RAB3GAP2: variants seen among roughly 807,000 people sequenced by gnomAD.
RAB3GAP2 encodes rab3 GTPase-activating protein non-catalytic subunit.
In RAB3GAP2, 87 loss-of-function variants were observed where a neutral mutation model predicts 185.3. The ratio of observed to expected loss-of-function variants is 0.47; its 90% CI spans 0.39 to 0.56. The LOEUF is 0.56. Ranked by LOEUF, RAB3GAP2 falls within the 20% of genes least tolerant of loss-of-function variation. The probability of loss-of-function intolerance (pLI) is 0.00; values close to 1 mark genes in which losing one functional copy is unlikely to be tolerated. For missense variants in RAB3GAP2, 1,492 were observed against 1,638.2 expected (o/e 0.91, Z 1.54); for synonymous variants, 554 against 576.1 (o/e 0.96, Z 0.55).
intron 9 of RAB3GAP2, among the ~76,000 whole-genome samples, chr1:220,198,109 G>T (rs1658764279): frequency 6.6e-6 from 1 of 151,780 alleles, no homozygotes; most frequent in South Asian, 2.1e-4. Flanking sequence ...GCTTAGCTTT[G>T]TGTTCCATCA....
chr1:220,167,020 C>T (rs1270539984), intron 26 of RAB3GAP2, among the ~76,000 whole-genome samples: 2 of 152,208 alleles, frequency 1.3e-5, no homozygotes, highest in African/African-American at 2.4e-5. Context: ...CTGACACTTA[C>T]TTAGCTGTGT....
chr1:220,263,858 T>G (rs1212180471), intron 1 of RAB3GAP2, among the ~76,000 whole-genome samples: 5 of 152,224 alleles, frequency 3.3e-5, no homozygotes, highest in Non-Finnish European at 4.4e-5. Flanking sequence ...TACAGGAGAA[T>G]GACCTTCAAA....
At chr1:220,224,363 T>C (rs1313156221) in intron 2 of RAB3GAP2, among the ~76,000 whole-genome samples, 4 of 151,934 alleles carry the variant, frequency 2.6e-5, no homozygotes, top group African/African-American at 9.7e-5. Context: ...TTGCTCATTA[T>C]AGGAAAAAAG....
intron 22 of RAB3GAP2, 82 bp from the exon 23 acceptor site, chr1:220,172,131 T>C (rs919248882): frequency 1.5e-6 from 2 of 1,365,698 alleles, no homozygotes; most frequent in Admixed American, 1.9e-5. Context: ...AACATAATGT[T>C]AAAACTAAGT....
intron 21 of RAB3GAP2, among the ~76,000 whole-genome samples, chr1:220,173,988 C>G (rs1658228879): frequency 7.2e-6 from 1 of 139,806 alleles, no homozygotes; most frequent in African/African-American, 2.7e-5. Context: ...CCACTGAACT[C>G]TGGCCTGGGC....
rs773168502 is a variant in RAB3GAP2, at chr1:220,182,948, A to G, written c.1999-17T>C. 2 of 1,580,690 alleles carry G rather than the reference A, an allele frequency of 1.3e-6. No homozygotes were observed. Among genetic ancestry groups the G allele is most frequent in the Admixed American group, 1.7e-5 (1 of 59,908 alleles). On this transcript the variant is annotated splice_polypyrimidine_tract_variant and intron_variant, in intron 19 of 34. Coordinates refer to ENST00000358951, the MANE Select transcript of RAB3GAP2 (RefSeq NM_012414.4). ...AGCCAAGTCCTTTAAAACAGAAAAC[A>G]AAACAAAACAACATTCCACATCTAT...
intron 21 of RAB3GAP2, among the ~76,000 whole-genome samples, chr1:220,178,108 A>C (rs1195959164): frequency 1.3e-5 from 2 of 152,230 alleles, no homozygotes; most frequent in Non-Finnish European, 1.5e-5. Flanking sequence ...TTCTCAGCAG[A>C]AACCTTACAG....
intron 27 of RAB3GAP2, among the ~76,000 whole-genome samples, chr1:220,163,092 G>A (rs1016025302): frequency 2.6e-5 from 4 of 152,108 alleles, no homozygotes; most frequent in Admixed American, 2.0e-4. Context: ...TGAGCTATGT[G>A]TGCCACTATA....
intron 2 of RAB3GAP2, chr1:220,220,174 C>T (rs1367235779): frequency 1.3e-5 from 2 of 152,260 alleles, no homozygotes; most frequent in African/African-American, 2.4e-5. Context: ...GCCTCCCCCA[C>T]CCTGTTACTA....
intron 1 of RAB3GAP2, among the ~76,000 whole-genome samples, chr1:220,244,098 T>C (rs1659753535): frequency 6.6e-6 from 1 of 152,106 alleles, no homozygotes; most frequent in Non-Finnish European, 1.5e-5. Context: ...GCCATCCAAA[T>C]TGGAAAAGAG....
Position 220,171,941 on chromosome 1 carries a change from T to C in RAB3GAP2, c.2525A>G (p.His842Arg), listed in dbSNP as rs1217859646. ...CTGTGCAGCAACAGAATGCCCAACA[T>C]GCGCAGACAACAGAGCGGCTCCATT... is the stretch of plus-strand genomic sequence containing the variant. ...ENNGAALLSAHVGHSVAAQIS... is the reference protein window; with the variant it reads ...ENNGAALLSARVGHSVAAQIS... Residue 842 changes from histidine to arginine, a missense_variant, in exon 23 of 35, where the codon CAT becomes CGT. Coordinates refer to ENST00000358951, the MANE Select transcript of RAB3GAP2 (RefSeq NM_012414.4). 9.3e-6 allele frequency: 15 copies of C among 1,614,196 alleles called. No individual in the cohort carries two copies. The highest frequency in any genetic ancestry group is 5.0e-5 in the Admixed American group (3 of 60,020).
chr1:220,156,518 A>C (rs1009087230), intron 31 of RAB3GAP2, among the ~76,000 whole-genome samples: 1 of 152,112 alleles, frequency 6.6e-6, no homozygotes, highest in African/African-American at 2.4e-5. Context: ...CAGAGGAGCC[A>C]AAAAAAATCT....
intron 2 of RAB3GAP2, among the ~76,000 whole-genome samples, chr1:220,230,433 T>C (rs991819257): frequency 6.6e-6 from 1 of 152,182 alleles, no homozygotes; most frequent in African/African-American, 2.4e-5. Context: ...GACCAGGTGT[T>C]GTTCGCGGAG....
intron 1 of RAB3GAP2, among the ~76,000 whole-genome samples, chr1:220,270,488 G>A (rs1233573143): frequency 6.6e-6 from 1 of 152,130 alleles, no homozygotes; most frequent in Non-Finnish European, 1.5e-5. Flanking sequence ...TTGAAAATCT[G>A]TATCCTTCAT....
chr1:220,248,324 T>C (rs951932848), intron 1 of RAB3GAP2, among the ~76,000 whole-genome samples: 3 of 152,268 alleles, frequency 2.0e-5, no homozygotes, highest in Non-Finnish European at 4.4e-5. Flanking sequence ...CTGTACTGTG[T>C]ACTTGAAATT....
intron 2 of RAB3GAP2, among the ~76,000 whole-genome samples, chr1:220,214,541 A>G (rs1558158466): frequency 6.6e-6 from 1 of 152,030 alleles, no homozygotes; most frequent in African/African-American, 2.4e-5. Context: ...AAAAAAAAAA[A>G]TGTCACATAG....
intron 9 of RAB3GAP2, among the ~76,000 whole-genome samples, chr1:220,199,205 T>C (rs536066210): frequency 1.2e-4 from 18 of 152,244 alleles, no homozygotes; most frequent in African/African-American, 4.3e-4. Flanking sequence ...AGGAGGAAAT[T>C]ACTCGATTTT....
intron 32 of RAB3GAP2, 159 bp from the exon 33 acceptor site, chr1:220,153,565 A>G (rs1657801911): frequency 1.8e-6 from 1 of 560,420 alleles, no homozygotes; most frequent in Non-Finnish European, 3.1e-6. Context: ...ACTAGCTCTC[A>G]AGAATACTTT....
At chr1:220,164,823 G>T in intron 26 of RAB3GAP2, 24 bp from the exon 27 acceptor site, 1 of 1,593,444 alleles carries the variant, frequency 6.3e-7, no homozygotes, top group South Asian at 1.1e-5. Context: ...AGAAAAAAAC[G>T]AGAAAGAAAA....
Sources: gnomAD v4.1 joint callset for allele counts (sites outside exome capture counted in the v4.1 genomes callset) on GRCh38, gnomAD v4.1.1 for gene constraint, MANE v1.5 for transcripts, NCBI Gene and HGNC (gene_info 2026-07-23, HGNC 2026-07-21) for gene names.